KLRD1: variants seen among roughly 807,000 people sequenced by gnomAD.
KLRD1 encodes killer cell lectin like receptor D1, also known as natural killer cells antigen CD94.
In KLRD1, 21 loss-of-function variants were observed where a neutral mutation model predicts 22.6. The observed-to-expected ratio is 0.93, with a 90% CI of 0.66 to 1.34. The LOEUF is 1.34. Ranked by LOEUF, KLRD1 falls within the 40% of genes most tolerant of loss-of-function variation. The pLI, the probability that KLRD1 is intolerant of heterozygous loss-of-function variation, is 0.00. For missense variants in KLRD1, 183 were observed against 208.6 expected, an observed-to-expected ratio of 0.88 and a Z score of 0.76; for synonymous variants, 59 against 71.1, an observed-to-expected ratio of 0.83 and a Z score of 0.85.
At chr12:10,244,734 G>C (rs1949274704) in intron 1 of KLRD1, among the ~76,000 whole-genome samples, 1 of 152,054 alleles carries the variant, frequency 6.6e-6, no homozygotes, top group African/African-American at 2.4e-5. Flanking sequence ...AGTGAGCCAA[G>C]ATCACGCCAC....
At chr12:10,266,232 T>A (rs7977486) in intron 1 of KLRD1, among the ~76,000 whole-genome samples, 5,215 of 152,278 alleles carry the variant, frequency 0.034, 307 homozygotes, top group African/African-American at 0.12. Context: ...TTCTTATTTT[T>A]AAAGTATAAG....
intron 1 of KLRD1, among the ~76,000 whole-genome samples, chr12:10,299,376 C>T (rs1949848524): frequency 6.6e-6 from 1 of 151,982 alleles, no homozygotes; most frequent in African/African-American, 2.4e-5. Context: ...GCAGGAAATG[C>T]ATAATATAAG....
intron 1 of KLRD1, among the ~76,000 whole-genome samples, chr12:10,246,298 T>C (rs1565445996): frequency 6.6e-6 from 1 of 152,154 alleles, no homozygotes; most frequent in African/African-American, 2.4e-5. Flanking sequence ...GTGTGTATTA[T>C]ATACTAGTGA....
In KLRD1 at chr12:10,315,457, G is replaced by A. The variant is rs1950201918; in HGVS notation, c.*664G>A. ...ACATTCTTGTATGAAGATTGATTTGGGAAAAATGCATTTCAGGTAACTGAC... is the reference window on the plus strand; with the variant it reads ...ACATTCTTGTATGAAGATTGATTTGAGAAAAATGCATTTCAGGTAACTGAC... On this transcript the variant is annotated 3_prime_UTR_variant, in exon 6 of 6. Transcript: ENST00000336164. 1 of 180,076 alleles carries A rather than the reference G, an allele frequency of 5.6e-6. No homozygotes were observed. The highest frequency in any genetic ancestry group is 1.2e-5 in the Non-Finnish European group (1 of 84,470). The allele number at this position is 180,076 out of a possible 1,614,324, so 11.2% of individuals were successfully genotyped here. A position where few individuals can be genotyped will look rare whatever the true frequency, so the allele number is the denominator to read the frequency against.
intron 1 of KLRD1, among the ~76,000 whole-genome samples, chr12:10,291,833 C>T (rs993849179): frequency 9.2e-5 from 14 of 152,000 alleles, no homozygotes; most frequent in Admixed American, 2.0e-4. Flanking sequence ...TGTTGTTCCC[C>T]TCCCTGTGTC....
At chr12:10,297,311 G>A (rs1949831019) in intron 1 of KLRD1, among the ~76,000 whole-genome samples, 3 of 152,144 alleles carry the variant, frequency 2.0e-5, no homozygotes, top group Admixed American at 1.3e-4. Flanking sequence ...TCTTAGGAAA[G>A]CGCCAAGTCT....
chr12:10,260,528 C>T (rs575687356), intron 1 of KLRD1, among the ~76,000 whole-genome samples: 3 of 152,220 alleles, frequency 2.0e-5, no homozygotes, highest in African/African-American at 7.2e-5. Context: ...TTAGGCCAGG[C>T]ACAGTGGCTC....
intron 1 of KLRD1, among the ~76,000 whole-genome samples, chr12:10,262,026 G>T (rs938142538): frequency 1.3e-5 from 2 of 152,022 alleles, no homozygotes; most frequent in African/African-American, 2.4e-5. Context: ...ACTTCTGTAT[G>T]CAAATATATT....
At chr12:10,239,623 C>T (rs1170388390) in intron 1 of KLRD1, among the ~76,000 whole-genome samples, 2 of 132,802 alleles carry the variant, frequency 1.5e-5, no homozygotes, top group Non-Finnish European at 3.2e-5. Context: ...TTCTTCTTTT[C>T]TCTTTCTCTC....
chr12:10,240,042 G>A (rs117321245), intron 1 of KLRD1, among the ~76,000 whole-genome samples: 2,935 of 151,366 alleles, frequency 0.019, 76 homozygotes, highest in Non-Finnish European at 0.022. Flanking sequence ...AAGGTGTTCC[G>A]GGATAATCAT....
chr12:10,270,755 A>G (rs1025605219), intron 1 of KLRD1, among the ~76,000 whole-genome samples: 1 of 150,536 alleles, frequency 6.6e-6, no homozygotes, highest in African/African-American at 2.5e-5. Flanking sequence ...CAGAAATCCT[A>G]CTGTGGGTTT....
chr12:10,283,827 T>G (rs1949670143), intron 1 of KLRD1, among the ~76,000 whole-genome samples: 1 of 151,946 alleles, frequency 6.6e-6, no homozygotes, highest in South Asian at 2.1e-4. Context: ...ACCAAATCTA[T>G]CAATGCATAG....
chr12:10,259,104 A>G (rs1158798509), intron 1 of KLRD1, among the ~76,000 whole-genome samples: 2 of 152,196 alleles, frequency 1.3e-5, no homozygotes, highest in Non-Finnish European at 2.9e-5. Context: ...TCTGTTCTGT[A>G]ATATCCACCC....
chr12:10,314,234 T>C (rs1466385709), intron 5 of KLRD1, among the ~76,000 whole-genome samples: 1 of 152,228 alleles, frequency 6.6e-6, no homozygotes, highest in Non-Finnish European at 1.5e-5. Context: ...CTCAGCATGC[T>C]CTTATGTTTT....
intron 1 of KLRD1, among the ~76,000 whole-genome samples, chr12:10,285,893 T>C (rs1322258611): frequency 6.6e-6 from 1 of 152,226 alleles, no homozygotes; most frequent in Non-Finnish European, 1.5e-5. Context: ...ACAGTGCTAG[T>C]GATCAGCCAC....
chr12:10,261,136 A>G (rs1035335920), intron 1 of KLRD1, among the ~76,000 whole-genome samples: 3 of 152,188 alleles, frequency 2.0e-5, no homozygotes, highest in African/African-American at 7.2e-5. Flanking sequence ...GAGTAATGCA[A>G]TTGGAAGAGA....
Position 10,309,550 on chromosome 12 carries a change from A to T in KLRD1, c.100+70A>T, listed in dbSNP as rs188959487. 5 of 1,281,282 alleles carry T rather than the reference A, an allele frequency of 3.9e-6. No homozygotes were observed. In the Admixed American group the frequency reaches 8.5e-5, roughly 22 times the overall value. The allele number at this position is 1,281,282 out of a possible 1,614,324, so 79.4% of individuals were successfully genotyped here. Reference sequence around the variant, plus strand: ...GACATCATTTAATAATAAAGGCTTCATCTTGCTAATGTGTAATATTTTAGT... The same window carrying T: ...GACATCATTTAATAATAAAGGCTTCTTCTTGCTAATGTGTAATATTTTAGT... On this transcript the variant is annotated intron_variant, in intron 2 of 5. Transcript: ENST00000336164.
chr12:10,255,314 GTT>G (rs1482806759), intron 1 of KLRD1, among the ~76,000 whole-genome samples: 2 of 150,818 alleles, frequency 1.3e-5, no homozygotes, highest in African/African-American at 4.8e-5. Flanking sequence ...TTTTGGCTTT[GTT>G]TATTTTCTCT....
rs1344806196 is a variant in KLRD1 at position 10,324,955 on chromosome 12, A to G, written c.*10162A>G. ...TTGGGTTATCTGCATAGATGAATAAAGACAGTTTTTACCTCTTTCTTTTGA... is the reference window on the plus strand; with the variant it reads ...TTGGGTTATCTGCATAGATGAATAAGGACAGTTTTTACCTCTTTCTTTTGA... On this transcript the variant is annotated 3_prime_UTR_variant, in exon 6 of 6. Coordinates refer to ENST00000336164, the MANE Select transcript of KLRD1 (RefSeq NM_002262.5). The G allele has an allele frequency of 6.6e-6, 1 of 151,384 alleles. No homozygotes were observed. The highest frequency in any genetic ancestry group is 2.4e-5 in the African/African-American group (1 of 41,274). The allele number at this position is 151,384 out of a possible 1,614,324, so 9.4% of individuals were successfully genotyped here.
Sources: gnomAD v4.1 joint callset for allele counts (sites outside exome capture counted in the v4.1 genomes callset) on GRCh38, gnomAD v4.1.1 for gene constraint, MANE v1.5 for transcripts, NCBI Gene and HGNC (gene_info 2026-07-23, HGNC 2026-07-21) for gene names.